The following MIAT variants were observed in gnomAD, a reference collection of about 807,000 sequenced individuals.
MIAT encodes the protein myocardial infarction associated transcript, also known as MI related novel mRNA.
intron 2 of MIAT, among the ~76,000 whole-genome samples, chr22:26,651,495 C>G (rs1930336088): frequency 6.6e-6 from 1 of 152,102 alleles, no homozygotes; most frequent in Non-Finnish European, 1.5e-5. Flanking sequence ...ATCCCTCTGA[C>G]TAAGGCAAGG....
chr22:26,674,429 A>G, downstream of MIAT: 1 of 398,782 alleles, frequency 2.5e-6, no homozygotes, highest in Non-Finnish European at 4.4e-6. Context: ...AGGAGAAGAC[A>G]GTTCAAGGCA....
At chr22:26,671,203 T>G (rs568085026), downstream of MIAT, 1 of 398,640 alleles carries the variant, frequency 2.5e-6, no homozygotes, top group East Asian at 3.6e-5. Flanking sequence ...AGCTGAAATA[T>G]TTGCAGGGGG....
chr22:26,651,863 G>C (rs1433553555), intron 2 of MIAT, among the ~76,000 whole-genome samples: 1 of 152,210 alleles, frequency 6.6e-6, no homozygotes, highest in Non-Finnish European at 1.5e-5. Context: ...GTGTTATTTT[G>C]GGGGTGATGA....
At chr22:26,646,615 G>T (rs1930239790) in exon 1 of MIAT, 1 of 397,094 alleles carries the variant, frequency 2.5e-6, no homozygotes. Flanking sequence ...AGTTGTGTCT[G>T]TTTATCTTCA....
intron 2 of MIAT, among the ~76,000 whole-genome samples, chr22:26,655,720 T>G (rs1331221439): frequency 6.6e-6 from 1 of 152,228 alleles, no homozygotes; most frequent in African/African-American, 2.4e-5. Context: ...AGCACAGTGG[T>G]TCTCCAGCTT....
At chr22:26,670,791 A>G, downstream of MIAT, 1 of 398,414 alleles carries the variant, frequency 2.5e-6, no homozygotes, top group Non-Finnish European at 4.4e-6. Context: ...CATCGTTTAG[A>G]ACTGTGGGAG....
At chr22:26,676,457 A>T in exon 5 of MIAT, 1 of 398,528 alleles carries the variant, frequency 2.5e-6, no homozygotes, top group Middle Eastern at 6.3e-4. Context: ...TTTTGCTATT[A>T]AAAATCAATT....
chr22:26,676,251 A>G, exon 5 of MIAT: 1 of 397,306 alleles, frequency 2.5e-6, no homozygotes, highest in East Asian at 3.6e-5. Flanking sequence ...GAGTCTATCC[A>G]GGGACCCATT....
At chr22:26,664,232 G>C (rs183350226) in intron 3 of MIAT, among the ~76,000 whole-genome samples, 2 of 151,970 alleles carry the variant, frequency 1.3e-5, no homozygotes, top group African/African-American at 4.8e-5. Flanking sequence ...GGCTGGTCTC[G>C]AACTCCTGAC....
intron 3 of MIAT, among the ~76,000 whole-genome samples, chr22:26,665,119 T>C (rs1332138452): frequency 5.9e-5 from 9 of 151,838 alleles, no homozygotes; most frequent in Admixed American, 3.3e-4. Context: ...CACACATCTG[T>C]AATCTCAGCT....
rs1235883410 is a variant in MIAT at position 26,663,633 on chromosome 22, G to A, written n.729+235G>A. ...AAAGCTGAGATGATGAGGCCCTGGTGCTCACAACTGGTTCTTTGTGCGGCC... is the reference window on the plus strand; with the variant it reads ...AAAGCTGAGATGATGAGGCCCTGGTACTCACAACTGGTTCTTTGTGCGGCC... On this transcript the variant is annotated intron_variant and non_coding_transcript_variant, in intron 3 of 5. Coordinates refer to ENST00000643270, the Ensembl canonical transcript of MIAT. 2.7e-5 allele frequency: 10 copies of A among 373,676 alleles called. No individual in the cohort carries two copies. The East Asian group carries it at 3.9e-4, about 14-fold the overall frequency. 23.1% of individuals were successfully genotyped at this position (373,676 alleles called of 1,614,324 possible).
At chr22:26,659,753 A>T (rs1930591654) in intron 2 of MIAT, among the ~76,000 whole-genome samples, 1 of 150,622 alleles carries the variant, frequency 6.6e-6, no homozygotes, top group Non-Finnish European at 1.5e-5. Context: ...GTTTAATAAA[A>T]TGCATGATAA....
chr22:26,648,078 C>T (rs948849775), intron 2 of MIAT, among the ~76,000 whole-genome samples: 3 of 151,558 alleles, frequency 2.0e-5, no homozygotes, highest in African/African-American at 4.8e-5. Context: ...GGCAGGCGGG[C>T]GGGGAGGAGG....
At chr22:26,668,874 C>T in exon 6 of MIAT, 1 of 398,690 alleles carries the variant, frequency 2.5e-6, no homozygotes, top group Non-Finnish European at 4.4e-6. Flanking sequence ...GCCAGAGGGG[C>T]TGAGAGTGCA....
chr22:26,652,308 G>A (rs754012232), intron 2 of MIAT, among the ~76,000 whole-genome samples: 1 of 152,060 alleles, frequency 6.6e-6, no homozygotes, highest in Non-Finnish European at 1.5e-5. Context: ...CATTGTGCCC[G>A]ACCTTAGATT....
chr22:26,656,600 G>A (rs1019585142), intron 2 of MIAT, among the ~76,000 whole-genome samples: 1 of 152,184 alleles, frequency 6.6e-6, no homozygotes, highest in Non-Finnish European at 1.5e-5. Flanking sequence ...TTACAGGGGT[G>A]AGCCGCCGCG....
At chr22:26,661,149 C>T (rs2146006874) in intron 2 of MIAT, among the ~76,000 whole-genome samples, 1 of 152,332 alleles carries the variant, frequency 6.6e-6, no homozygotes, top group South Asian at 2.1e-4. Context: ...GTTTCTGGGG[C>T]ATTGGGTCCA....
At chr22:26,669,582 C>T (rs1366255794) in exon 6 of MIAT, 3 of 398,604 alleles carry the variant, frequency 7.5e-6, no homozygotes, top group Non-Finnish European at 1.3e-5. Context: ...AAAACAGTCA[C>T]ATAGCAGGCT....
chr22:26,667,648 A>G, intron 5 of MIAT: 1 of 218,444 alleles, frequency 4.6e-6, no homozygotes, highest in Non-Finnish European at 8.9e-6. Flanking sequence ...GGGTATTCTC[A>G]GCTTTCATTG....
Sources: allele counts gnomAD v4.1 joint callset (sites outside exome capture counted in the v4.1 genomes callset), GRCh38; gene constraint gnomAD v4.1.1; transcripts MANE v1.5; gene names NCBI Gene and HGNC (gene_info 2026-07-23, HGNC 2026-07-21).